The following PRELID2 variants were observed in gnomAD, a reference collection of about 807,000 sequenced individuals.
The protein encoded by PRELID2 is PRELI domain-containing protein 2.
A neutral mutation model predicts 28.4 loss-of-function variants in PRELID2; 25 were observed. That is an observed-to-expected ratio of 0.88 (90% CI 0.64 to 1.23). The LOEUF is 1.23. Ranked by LOEUF, PRELID2 falls within the 50% of genes most tolerant of loss-of-function variation. The pLI is 0.00. For synonymous variants in PRELID2, 76 were observed against 71.6 expected (o/e 1.06, Z -0.31); for missense variants, 201 against 214.4 (o/e 0.94, Z 0.39).
intron 1 of PRELID2, among the ~76,000 whole-genome samples, chr5:145,479,801 A>G (rs1307719494): frequency 6.6e-6 from 1 of 152,212 alleles, no homozygotes; most frequent in African/African-American, 2.4e-5. Flanking sequence ...CTTAGCCACT[A>G]CATGGCAAGA....
At chr5:145,762,290 GC>G (rs1757511668) in intron 6 of PRELID2, among the ~76,000 whole-genome samples, 1 of 152,128 alleles carries the variant, frequency 6.6e-6, no homozygotes, top group African/African-American at 2.4e-5. Flanking sequence ...TCATGGCTTA[GC>G]CCTCAACCAC....
chr5:145,362,283 T>C, the PRELID2 span, among the ~76,000 whole-genome samples: 1 of 152,142 alleles, frequency 6.6e-6, no homozygotes, highest in Non-Finnish European at 1.5e-5. Context: ...AACTAAGGAA[T>C]CTGATTCTCT....
At chr5:145,522,406 C>T (rs1731213310) in intron 1 of PRELID2, among the ~76,000 whole-genome samples, 7 of 151,916 alleles carry the variant, frequency 4.6e-5, no homozygotes, top group Admixed American at 4.6e-4. Flanking sequence ...GACACACACA[C>T]ACACACACAC....
intron 4 of PRELID2, among the ~76,000 whole-genome samples, chr5:145,812,213 A>T (rs1304061779): frequency 6.6e-6 from 1 of 152,162 alleles, no homozygotes; most frequent in Non-Finnish European, 1.5e-5. Flanking sequence ...AATGTGGACA[A>T]ATTAGTACGC....
the PRELID2 span, among the ~76,000 whole-genome samples, chr5:145,389,633 T>C: frequency 6.6e-6 from 1 of 152,156 alleles, no homozygotes; most frequent in African/African-American, 2.4e-5. Context: ...TCCAAATGAA[T>C]TGAAATTAAA....
chr5:145,456,601 C>T, the PRELID2 span, among the ~76,000 whole-genome samples: 167 of 152,286 alleles, frequency 1.1e-3, 2 homozygotes, highest in Admixed American at 4.1e-3. Flanking sequence ...GGGCAACTAT[C>T]AAATTTGCTT....
chr5:145,790,891 G>A (rs902705531), intron 5 of PRELID2, among the ~76,000 whole-genome samples: 5 of 141,392 alleles, frequency 3.5e-5, no homozygotes, highest in Admixed American at 1.4e-4. Context: ...TCACTTCTGG[G>A]TATATATATA....
intron 1 of PRELID2, among the ~76,000 whole-genome samples, chr5:145,610,478 A>G (rs556459423): frequency 6.6e-6 from 1 of 152,190 alleles, no homozygotes; most frequent in African/African-American, 2.4e-5. Context: ...AAAAAAAATG[A>G]TAATTCAAAA....
At chr5:145,775,516 G>A (rs1176862259) in intron 5 of PRELID2, among the ~76,000 whole-genome samples, 2 of 152,186 alleles carry the variant, frequency 1.3e-5, no homozygotes, top group Admixed American at 6.5e-5. Flanking sequence ...GTATGCAAAT[G>A]AATTTTGTTT....
the PRELID2 span, among the ~76,000 whole-genome samples, chr5:145,363,150 C>G: frequency 6.7e-6 from 1 of 149,618 alleles, no homozygotes; most frequent in Non-Finnish European, 1.5e-5. Flanking sequence ...AATGATGTGG[C>G]TAGCTCAACA....
chr5:145,659,652 C>T (rs1046354828), intron 1 of PRELID2, among the ~76,000 whole-genome samples: 2 of 152,164 alleles, frequency 1.3e-5, no homozygotes, highest in African/African-American at 4.8e-5. Flanking sequence ...GAATTGCTTC[C>T]GTCACTTGTA....
chr5:145,828,856 T>C (rs10477290), intron 1 of PRELID2, among the ~76,000 whole-genome samples: 4,153 of 98,444 alleles, frequency 0.042, 146 homozygotes, highest in African/African-American at 0.13. Flanking sequence ...TTTTTTTTTT[T>C]GAGACTGGGT....
At chr5:145,493,604 C>A (rs537063206) in intron 1 of PRELID2, among the ~76,000 whole-genome samples, 1 of 152,272 alleles carries the variant, frequency 6.6e-6, no homozygotes, top group South Asian at 2.1e-4. Context: ...CTGCTCCCAT[C>A]ACTCTGCTCC....
intron 1 of PRELID2, among the ~76,000 whole-genome samples, chr5:145,585,715 C>G (rs1051813510): frequency 6.6e-6 from 1 of 152,038 alleles, no homozygotes; most frequent in African/African-American, 2.4e-5. Flanking sequence ...GCAAAGGGAC[C>G]TTTTTTTAAT....
downstream of PRELID2, among the ~76,000 whole-genome samples, chr5:145,468,037 G>A (rs1240215608): frequency 1.3e-5 from 2 of 152,012 alleles, no homozygotes; most frequent in Non-Finnish European, 2.9e-5. Flanking sequence ...ATTTACATTA[G>A]GTATATCTCC....
intron 1 of PRELID2, among the ~76,000 whole-genome samples, chr5:145,487,152 T>C (rs1752225050): frequency 6.9e-6 from 1 of 144,874 alleles, no homozygotes; most frequent in Non-Finnish European, 1.5e-5. Context: ...GATGATGAGT[T>C]AGTGGGTGCA....
chr5:145,468,581 T>A (rs942602694), downstream of PRELID2, among the ~76,000 whole-genome samples: 8 of 152,210 alleles, frequency 5.3e-5, no homozygotes, highest in African/African-American at 4.8e-5. Context: ...CAGCACCTGC[T>A]GTTTCCTGAC....
intron 3 of PRELID2, among the ~76,000 whole-genome samples, chr5:145,818,267 T>C (rs530703779): frequency 1.4e-3 from 215 of 152,316 alleles, no homozygotes; most frequent in African/African-American, 4.9e-3. Flanking sequence ...CCAGGATTTA[T>C]GTAGGCTATA....
intron 1 of PRELID2, chr5:145,728,580 G>T: frequency 2.3e-6 from 2 of 873,004 alleles, no homozygotes; most frequent in South Asian, 1.4e-5. Flanking sequence ...GTTGATCATG[G>T]CAATTAACAC....
Sources: allele counts gnomAD v4.1 joint callset (sites outside exome capture counted in the v4.1 genomes callset), GRCh38; gene constraint gnomAD v4.1.1; transcripts MANE v1.5; gene names NCBI Gene and HGNC (gene_info 2026-07-23, HGNC 2026-07-21).